KCNA4: variants seen among roughly 807,000 people sequenced by gnomAD.
KCNA4 encodes potassium voltage-gated channel subfamily A member 4.
A neutral mutation model predicts 37.2 loss-of-function variants in KCNA4; 5 were observed. That is an observed-to-expected ratio of 0.13 (90% CI 0.07 to 0.28). The LOEUF is 0.28. KCNA4 is among the 10% of genes least tolerant of loss of function. KCNA4 has a pLI of 1.00. For synonymous variants in KCNA4, 350 were observed against 311.8 expected, an observed-to-expected ratio of 1.12 and a Z score of -1.29; for missense variants, 634 against 817.4, an observed-to-expected ratio of 0.78 and a Z score of 2.74.
chr11:30,010,621 T>G lies in KCNA4; in HGVS notation c.*96A>C, dbSNP rs1050474623. 3 of 1,500,638 alleles carry G rather than the reference T, an allele frequency of 2.0e-6. No individual in the cohort carries two copies. The highest frequency in any genetic ancestry group is 4.7e-5 in the Admixed American group (2 of 42,664). The allele number at this position is 1,500,638 out of a possible 1,614,324, so 93.0% of individuals were successfully genotyped here. A position where few individuals can be genotyped will look rare whatever the true frequency, so the allele number is the denominator to read the frequency against. ...TTAAATAGTGTACTACTGTATGCAT[T>G]GGATCATTTGCATATTTCATTTTCA... On this transcript the variant is annotated 3_prime_UTR_variant, in exon 2 of 2. Transcript: ENST00000328224.
Position 30,011,734 on chromosome 11 carries a change from C to G in KCNA4, c.945G>C (p.Leu315=). ...PARGIAIVSV[L]VILISIVIFC... ...AGATGACAATGGAGATTAAGATGAC[C>G]AGGACGGACACAATGGCTATGCCCC... Residue 315 remains leucine (L), a synonymous_variant, in exon 2 of 2, where the codon CTG becomes CTC. Coordinates refer to ENST00000328224, the MANE Select transcript of KCNA4 (RefSeq NM_002233.4). The surrounding 1 kb of genome is among the most constrained non-coding windows in gnomAD (Gnocchi z 5.6). 6.2e-7 allele frequency: 1 copy of G among 1,613,988 alleles called. No homozygotes were observed. The highest frequency in any genetic ancestry group is 8.5e-7 in the Non-Finnish European group (1 of 1,180,008).
rs1156793702 is a variant in KCNA4 at position 30,011,414 on chromosome 11, T to C, written c.1265A>G (p.Asp422Gly). Reference protein sequence around the residue: ...ILPYFITLGTDLAQQQGGGNG... With the variant: ...ILPYFITLGTGLAQQQGGGNG... ...GCCACCCCCCTGTTGCTGGGCCAGG[T>C]CAGTGCCCAGTGTGATGAAGTAAGG... The change falls in exon 2 of 2, where the codon GAC becomes GGC. Residue 422 changes from aspartate (D) to glycine (G), a missense_variant. By Grantham distance (94) the Asp-to-Gly change is moderately conservative. Coordinates refer to ENST00000328224, the MANE Select transcript of KCNA4 (RefSeq NM_002233.4). This position sits in a 1 kb window ranked among gnomAD's most constrained non-coding sequence, Gnocchi z 5.6. 3 of 1,614,064 alleles carry C rather than the reference T, an allele frequency of 1.9e-6. No individual in the cohort carries two copies. Among genetic ancestry groups the C allele is most frequent in the East Asian group, 2.2e-5 (1 of 44,872 alleles).
At chr11:30,015,451 A>G (rs898625853) in intron 1 of KCNA4, among the ~76,000 whole-genome samples, 1 of 152,216 alleles carries the variant, frequency 6.6e-6, no homozygotes, top group Non-Finnish European at 1.5e-5. Flanking sequence ...AAGGTCATGA[A>G]TTAGCGAGTC....
At position 30,012,732 on chromosome 11, in the gene KCNA4, A is replaced by C; in HGVS notation, c.-54T>G. On this transcript the variant is annotated 5_prime_UTR_variant, in exon 2 of 2. It adds an upstream start codon to the 5' untranslated region. Transcript: ENST00000328224. ...CAGTTGTAGAAGAAGAAGAAAGAAAAATAGGGCAGCTTCTTTTCTCACCAA... is the reference window on the plus strand; with the variant it reads ...CAGTTGTAGAAGAAGAAGAAAGAAACATAGGGCAGCTTCTTTTCTCACCAA... The C allele has an allele frequency of 1.3e-6, 2 of 1,507,036 alleles. No individual in the cohort carries two copies. The highest frequency in any genetic ancestry group is 2.7e-5 in the South Asian group (2 of 73,366). 93.4% of individuals were successfully genotyped at this position (1,507,036 alleles called of 1,614,324 possible).
rs1850311887 is a variant in KCNA4, at chr11:30,012,270, C to T, written c.409G>A (p.Glu137Lys). The change falls in exon 2 of 2, where the codon GAG becomes AAG. Residue 137 changes from glutamate (E) to lysine (K), a missense_variant. By Grantham distance (56) the Glu-to-Lys change is moderately conservative (BLOSUM62 1). Coordinates refer to ENST00000328224, the MANE Select transcript of KCNA4 (RefSeq NM_002233.4). Reference protein sequence around the residue: ...DEEEEEEEEEEGRFYYSEDDH... With the variant: ...DEEEEEEEEEKGRFYYSEDDH... The stretch of plus-strand genomic sequence containing the variant: ...TCTTCACTATAGTAAAACCTTCCCT[C>T]CTCTTCCTCCTCTTCCTCCTCCTCC... The T allele has an allele frequency of 6.2e-7, 1 of 1,613,794 alleles. No individual in the cohort carries two copies. Among genetic ancestry groups the T allele is most frequent in the East Asian group, 2.2e-5 (1 of 44,866 alleles).
chr11:30,014,726 C>G (rs1055716745), intron 1 of KCNA4, among the ~76,000 whole-genome samples: 1 of 152,126 alleles, frequency 6.6e-6, no homozygotes, highest in Non-Finnish European at 1.5e-5. Flanking sequence ...TTCATCTCCT[C>G]AGCCAGGCCC....
In KCNA4 at chr11:30,010,198, A is replaced by C. The variant is rs1253384827; in HGVS notation, c.*519T>G. On this transcript the variant is annotated 3_prime_UTR_variant, in exon 2 of 2. Transcript: ENST00000328224. ...AATTGTGACCTATAGTCTATTAAAT[A>C]ATTTACTTTCTTTTTTCTCTACACA... The C allele has an allele frequency of 6.5e-6, 1 of 152,730 alleles. No individual in the cohort carries two copies. Among genetic ancestry groups the C allele is most frequent in the Non-Finnish European group, 1.5e-5 (1 of 68,244 alleles). The allele number at this position is 152,730 out of a possible 1,614,324, so 9.5% of individuals were successfully genotyped here. A position where few individuals can be genotyped will look rare whatever the true frequency, so the allele number is the denominator to read the frequency against.
In KCNA4 at chr11:30,010,949, G is replaced by T; in HGVS notation, c.1730C>A (p.Thr577Lys). 2 of 1,614,186 alleles carry T rather than the reference G, an allele frequency of 1.2e-6. No individual in the cohort carries two copies. The highest frequency in any genetic ancestry group is 1.7e-6 in the Non-Finnish European group (2 of 1,180,028). Residue 577 changes from threonine to lysine, a missense_variant, in exon 2 of 2, where the codon ACA (threonine) becomes AAA (lysine). Thr to Lys is a moderately conservative substitution (Grantham distance 78). Coordinates refer to ENST00000328224, the MANE Select transcript of KCNA4 (RefSeq NM_002233.4). Reference sequence around the variant, plus strand: ...ACTGACTGCATTCTGCGTTAGCTGTGTCTGTTCCTCATTTTCAGTCTCTCT... The same window carrying T: ...ACTGACTGCATTCTGCGTTAGCTGTTTCTGTTCCTCATTTTCAGTCTCTCT... ...YHRETENEEQTQLTQNAVSCP... is the reference protein window; with the variant it reads ...YHRETENEEQKQLTQNAVSCP...
Position 30,012,094 on chromosome 11 carries a change from G to C in KCNA4, c.585C>G (p.Ala195=). The change falls in exon 2 of 2, where the codon GCC becomes GCG. Residue 195 remains alanine, a synonymous_variant. Transcript: ENST00000328224. The part of the protein sequence containing the change: ...LRFETQMKTL[A]QFPETLLGDP... ...CTCCCAACAAAGTCTCTGGAAACTG[G>C]GCCAGAGTTTTCATTTGGGTCTCAA... 1.2e-6 allele frequency: 2 copies of C among 1,614,078 alleles called. No homozygotes were observed. The highest frequency in any genetic ancestry group is 1.7e-6 in the Non-Finnish European group (2 of 1,180,032).
Position 30,010,927 on chromosome 11 carries a change from G to A in KCNA4, c.1752C>T (p.Val584=), listed in dbSNP as rs140083893. The A allele has an allele frequency of 1.5e-4, 249 of 1,614,170 alleles. 2 individuals are homozygous for A. In the African/African-American group the frequency reaches 2.9e-3, roughly 19 times the overall value. Residue 584 remains valine (V), a synonymous_variant, in exon 2 of 2, where the codon GTC becomes GTT. Transcript: ENST00000328224. ...AATTAGAGGGGAGGTATGGACAACT[G>A]ACTGCATTCTGCGTTAGCTGTGTCT... ...EEQTQLTQNA[V]SCPYLPSNLL...
chr11:30,010,872 A>C lies in KCNA4; in HGVS notation c.1807T>G (p.Ser603Ala). ...LLKKFRSSTS[S>A]SLGDKSEYLE... ...TACTCTGACTTGTCCCCCAGGGAAG[A>C]AGAAGTAGAGCTCCGAAATTTCTTG... The change falls in exon 2 of 2, where the codon TCT becomes GCT. Residue 603 changes from serine to alanine, a missense_variant. This residue lies in a region of KCNA4 where 91 missense variants were observed against 95.8 expected (regional missense o/e 0.95). Coordinates refer to ENST00000328224, the MANE Select transcript of KCNA4 (RefSeq NM_002233.4). 6.2e-7 allele frequency: 1 copy of C among 1,614,190 alleles called. No homozygotes were observed. The highest frequency in any genetic ancestry group is 8.5e-7 in the Non-Finnish European group (1 of 1,180,044).
rs1362064306 is a variant in KCNA4 at position 30,016,690 on chromosome 11, T to C, written c.-901A>G. 1 of 175,886 alleles carries C rather than the reference T, an allele frequency of 5.7e-6. No individual in the cohort carries two copies. Among genetic ancestry groups the C allele is most frequent in the African/African-American group, 6.6e-5 (1 of 15,214 alleles). 10.9% of individuals were successfully genotyped at this position (175,886 alleles called of 1,614,324 possible). A position where few individuals can be genotyped will look rare whatever the true frequency, so the allele number is the denominator to read the frequency against. On this transcript the variant is annotated 5_prime_UTR_variant, in exon 1 of 2. Coordinates refer to ENST00000328224, the MANE Select transcript of KCNA4 (RefSeq NM_002233.4). The stretch of plus-strand genomic sequence containing the variant: ...ATGATCCTGGGTGGGGGGCGGGGGG[T>C]GGTAAAAGGAATCACTCGGGTTTGG...
chr11:30,011,501 C>T lies in KCNA4; in HGVS notation c.1178G>A (p.Cys393Tyr). Residue 393 changes from cysteine to tyrosine, a missense_variant, in exon 2 of 2, where the codon TGT becomes TAT. Physicochemically the swap from Cys to Tyr is radical, Grantham distance 194. This residue lies in a region of KCNA4 where 252 missense variants were observed against 344.2 expected (regional missense o/e 0.73). Coordinates refer to ENST00000328224, the MANE Select transcript of KCNA4 (RefSeq NM_002233.4). The surrounding 1 kb of genome is among the most constrained non-coding windows in gnomAD (Gnocchi z 5.6). ...SFEFVVRCFA[C>Y]PSQALFFKNI... The stretch of plus-strand genomic sequence containing the variant: ...TTTGAAGAAGAGTGCTTGGCTGGGA[C>T]AAGCAAAGCAGCGAACCACAAACTC... 6.2e-7 allele frequency: 1 copy of T among 1,614,074 alleles called. No homozygotes were observed. Among genetic ancestry groups the T allele is most frequent in the Non-Finnish European group, 8.5e-7 (1 of 1,180,034 alleles).
At chr11:30,014,575 C>G (rs1429419996) in intron 1 of KCNA4, among the ~76,000 whole-genome samples, 1 of 151,986 alleles carries the variant, frequency 6.6e-6, no homozygotes, top group Non-Finnish European at 1.5e-5. Context: ...CCTCCTCTCT[C>G]TTTCTCTCTC....
In KCNA4 at chr11:30,010,812, A is replaced by G. The variant is rs1850296226; in HGVS notation, c.1867T>C (p.Cys623Arg). Reference protein sequence around the residue: ...EMEEGVKESLCAKEEKCQGKG... With the variant: ...EMEEGVKESLRAKEEKCQGKG... ...CCCTGACACTTCTCCTCCTTTGCAC[A>G]CAGAGATTCCTTAACTCCTTCTTCC... Residue 623 changes from cysteine to arginine, a missense_variant, in exon 2 of 2, where the codon TGT (cysteine) becomes CGT (arginine). Transcript: ENST00000328224. 14 of 1,614,154 alleles carry G rather than the reference A, an allele frequency of 8.7e-6. No homozygotes were observed. Among genetic ancestry groups the G allele is most frequent in the Non-Finnish European group, 3.4e-6 (4 of 1,180,026 alleles).
rs1850294561 is a variant in KCNA4 at position 30,010,686 on chromosome 11, G to C, written c.*31C>G. 6.4e-7 allele frequency: 1 copy of C among 1,562,840 alleles called. No individual in the cohort carries two copies. Among genetic ancestry groups the C allele is most frequent in the South Asian group, 1.3e-5 (1 of 79,992 alleles). ...ATGCATAAATATATTTGGAGATGCT[G>C]AGGGGGGAGCAGTGGCAGGTGGAAA... On this transcript the variant is annotated 3_prime_UTR_variant, in exon 2 of 2. Coordinates refer to ENST00000328224, the MANE Select transcript of KCNA4 (RefSeq NM_002233.4).
rs775516132 is a variant in KCNA4, at chr11:30,012,307, C to T, written c.372G>A (p.Glu124=). 6.8e-6 allele frequency: 11 copies of T among 1,614,038 alleles called. No individual in the cohort carries two copies. Among genetic ancestry groups the T allele is most frequent in the Non-Finnish European group, 8.5e-6 (10 of 1,179,970 alleles). ...CTTCCTCCTCCTCCTCATCTTCCTC[C>T]TCCTCACTCAGCTCCCTCAGGATCT... ...EEKILRELSE[E]EEDEEEEEEE... Residue 124 remains glutamate, a synonymous_variant, in exon 2 of 2, where the codon GAG becomes GAA. Coordinates refer to ENST00000328224, the MANE Select transcript of KCNA4 (RefSeq NM_002233.4).
intron 1 of KCNA4, among the ~76,000 whole-genome samples, chr11:30,014,348 C>G (rs1850332706): frequency 2.0e-5 from 3 of 152,144 alleles, no homozygotes; most frequent in Admixed American, 2.0e-4. Flanking sequence ...CTGAACACTC[C>G]CTACCACCCA....
Position 30,012,187 on chromosome 11 carries a change from G to T in KCNA4, c.492C>A (p.Gly164=). 1 of 1,614,078 alleles carries T rather than the reference G, an allele frequency of 6.2e-7. No individual in the cohort carries two copies. The highest frequency in any genetic ancestry group is 8.5e-7 in the Non-Finnish European group (1 of 1,180,004). ...CACTGTAGCGGACTGAACTGTAGCC[G>T]CCACCGCCCTCATCCTGAGGCAGCA... ...TDLLPQDEGG[G]GYSSVRYSDC... is the part of the protein sequence containing the mutation. The change falls in exon 2 of 2, where the codon GGC becomes GGA. Residue 164 remains glycine (G), a synonymous_variant. Coordinates refer to ENST00000328224, the MANE Select transcript of KCNA4 (RefSeq NM_002233.4).
Sources: gnomAD v4.1 joint callset for allele counts (sites outside exome capture counted in the v4.1 genomes callset) on GRCh38, gnomAD v4.1.1 for gene constraint, gnomAD v4.1.1 regional missense constraint, Gnocchi (gnomAD v3.1) non-coding constraint, MANE v1.5 for transcripts, NCBI Gene and HGNC (gene_info 2026-07-23, HGNC 2026-07-21) for gene names.